RXFP1: variants seen among roughly 807,000 people sequenced by gnomAD.
RXFP1 encodes the protein relaxin family peptide receptor 1, also known as relaxin receptor 1.
Under a neutral mutation model 89.8 loss-of-function variants are expected in RXFP1, and 73 were observed. That is an observed-to-expected ratio of 0.81 (90% confidence interval 0.67 to 0.99). The LOEUF (loss-of-function observed/expected upper bound fraction) is 0.99, where lower values mean the gene tolerates loss of function less well. Among genes scored for constraint, RXFP1 ranks in the 50% least tolerant of loss-of-function variants. The pLI, the probability that RXFP1 is intolerant of heterozygous loss-of-function variation, is 0.00. For missense variants in RXFP1, 793 were observed against 895.5 expected, an observed-to-expected ratio of 0.89 and a Z score of 1.46; for synonymous variants, 277 against 305.5, an observed-to-expected ratio of 0.91 and a Z score of 0.97.
At chr4:158,616,667 A>G (rs184546867) in intron 8 of RXFP1, among the ~76,000 whole-genome samples, 33 of 149,740 alleles carry the variant, frequency 2.2e-4, no homozygotes, top group Admixed American at 2.2e-3. Context: ...ATTATAATTA[A>G]ATATAGTTAG....
At chr4:158,582,581 C>T (rs1464659739) in intron 2 of RXFP1, among the ~76,000 whole-genome samples, 1 of 152,216 alleles carries the variant, frequency 6.6e-6, no homozygotes, top group African/African-American at 2.4e-5. Context: ...ACATTTAGTA[C>T]ACCTGAGCCA....
At chr4:158,587,606 T>C (rs1454566510) in intron 2 of RXFP1, among the ~76,000 whole-genome samples, 1 of 152,196 alleles carries the variant, frequency 6.6e-6, no homozygotes, top group East Asian at 1.9e-4. Context: ...ATTCTATAGA[T>C]AGAATGTAAA....
At position 158,612,471 on chromosome 4, in the gene RXFP1, G is replaced by A. The variant is rs539571177; in HGVS notation, c.680+109G>A. ...TTGGATTTGTTAAAACCCCAAAGAG[G>A]CCTTTTCAATGAAAAACCTTTTCTT... On this transcript the variant is annotated intron_variant, in intron 8 of 17. Coordinates refer to ENST00000307765, the MANE Select transcript of RXFP1 (RefSeq NM_021634.4). 1.0e-4 allele frequency: 74 copies of A among 733,168 alleles called. No individual in the cohort carries two copies. In the South Asian group the frequency reaches 1.5e-3, roughly 15 times the overall value. The allele number at this position is 733,168 out of a possible 1,614,324, so 45.4% of individuals were successfully genotyped here. A position where few individuals can be genotyped will look rare whatever the true frequency, so the allele number is the denominator to read the frequency against.
At chr4:158,635,098 A>G (rs185617170) in intron 12 of RXFP1, among the ~76,000 whole-genome samples, 1 of 151,540 alleles carries the variant, frequency 6.6e-6, no homozygotes, top group Admixed American at 6.6e-5. Flanking sequence ...GTTGCTTTGA[A>G]TCTGTAGCTC....
In RXFP1 at chr4:158,575,962, C is replaced by T. The variant is rs573840574; in HGVS notation, c.187+3127C>T. ...ATCAGCTAGGCAGTTCTGGTCTCAGCTGGATTTTCTCAAGCACCTGCAGTC... is the reference window on the plus strand; with the variant it reads ...ATCAGCTAGGCAGTTCTGGTCTCAGTTGGATTTTCTCAAGCACCTGCAGTC... On this transcript the variant is annotated intron_variant, in intron 2 of 17. Coordinates refer to ENST00000307765, the MANE Select transcript of RXFP1 (RefSeq NM_021634.4). Among the ~76,000 whole-genome samples, 3 of 152,252 alleles carry T rather than the reference C, an allele frequency of 2.0e-5. No individual in the cohort carries two copies. In the South Asian group the frequency reaches 6.2e-4, roughly 32 times the overall value.
intron 6 of RXFP1, among the ~76,000 whole-genome samples, chr4:158,611,703 A>C (rs184373113): frequency 1.3e-3 from 196 of 152,318 alleles, no homozygotes; most frequent in Admixed American, 3.5e-3. Context: ...CACACTCTGC[A>C]GTCCCTACCC....
At chr4:158,623,106 C>A (rs1274558386) in intron 9 of RXFP1, among the ~76,000 whole-genome samples, 2 of 152,076 alleles carry the variant, frequency 1.3e-5, no homozygotes, top group African/African-American at 2.4e-5. Context: ...CTGCCAATGT[C>A]CAATAAAAGA....
At chr4:158,562,168 A>G (rs1254066365) in intron 1 of RXFP1, among the ~76,000 whole-genome samples, 1 of 152,076 alleles carries the variant, frequency 6.6e-6, no homozygotes, top group East Asian at 1.9e-4. Flanking sequence ...CAACCCCCCA[A>G]TAAACACGGG....
chr4:158,636,834 A>G (rs1769265979), intron 12 of RXFP1, among the ~76,000 whole-genome samples: 1 of 152,216 alleles, frequency 6.6e-6, no homozygotes, highest in South Asian at 2.1e-4. Context: ...ATGTTACACA[A>G]TAGATGTCTT....
chr4:158,608,940 G>A lies in RXFP1; in HGVS notation c.536+897G>A, dbSNP rs1464004604. On this transcript the variant is annotated intron_variant, in intron 6 of 17. Transcript: ENST00000307765. ...TTTCACTTAGCACAATGTCTTTAAT[G>A]TTCACGTGTTGTAGCATGTGTCAGA... Among the ~76,000 whole-genome samples, 3 of 152,174 alleles carry A rather than the reference G, an allele frequency of 2.0e-5. No individual in the cohort carries two copies. The East Asian group carries it at 5.8e-4, about 29-fold the overall frequency.
At chr4:158,616,074 A>G (rs1764507782) in intron 8 of RXFP1, among the ~76,000 whole-genome samples, 1 of 152,250 alleles carries the variant, frequency 6.6e-6, no homozygotes, top group South Asian at 2.1e-4. Context: ...GTTGCCACAA[A>G]CCTTCAATTT....
chr4:158,624,940 A>G (rs1326529158), intron 9 of RXFP1, among the ~76,000 whole-genome samples: 1 of 152,200 alleles, frequency 6.6e-6, no homozygotes, highest in African/African-American at 2.4e-5. Flanking sequence ...GTGCCCCAAT[A>G]TGTGCCTCTT....
chr4:158,593,226 A>G (rs1195195406), intron 2 of RXFP1, among the ~76,000 whole-genome samples, 175 bp from the exon 3 acceptor site: 3 of 152,210 alleles, frequency 2.0e-5, no homozygotes, highest in Non-Finnish European at 4.4e-5. Context: ...CTATAAAATG[A>G]GAATCTCCAG....
chr4:158,651,296 T>G (rs548014498), intron 17 of RXFP1, among the ~76,000 whole-genome samples: 15 of 152,290 alleles, frequency 9.8e-5, no homozygotes, highest in South Asian at 6.2e-4. Flanking sequence ...GCACACTTTG[T>G]TTTAAAATCA....
Position 158,569,126 on chromosome 4 carries a change from G to A in RXFP1, c.50-3572G>A, listed in dbSNP as rs192849381. Among the ~76,000 whole-genome samples, 11 of 152,262 alleles carry A rather than the reference G, an allele frequency of 7.2e-5. No individual in the cohort carries two copies. In the East Asian group the frequency reaches 1.4e-3, roughly 19 times the overall value. ...CACAGGTGTTTATAGCAGCTTGTTC[G>A]TAATTGCCAAAACTTAGAAGCAACC... On this transcript the variant is annotated intron_variant, in intron 1 of 17. Transcript: ENST00000307765.
At chr4:158,634,853 T>A (rs941641763) in intron 12 of RXFP1, among the ~76,000 whole-genome samples, 1 of 152,196 alleles carries the variant, frequency 6.6e-6, no homozygotes, top group Admixed American at 6.5e-5. Context: ...ATCTGTGAGT[T>A]TATTCCTGAG....
At chr4:158,639,122 T>A (rs573201035) in intron 13 of RXFP1, 138 bp from the exon 14 acceptor site, 17 of 541,758 alleles carry the variant, frequency 3.1e-5, no homozygotes, top group African/African-American at 2.3e-4. Flanking sequence ...GGGAAGTGGG[T>A]GGGTTGAGTA....
chr4:158,583,341 C>T (rs1310780060), intron 2 of RXFP1, among the ~76,000 whole-genome samples: 2 of 152,206 alleles, frequency 1.3e-5, no homozygotes, highest in African/African-American at 4.8e-5. Context: ...AGAATGATGG[C>T]AATGCCAGGT....
At chr4:158,624,902 C>T (rs1455966145) in intron 9 of RXFP1, among the ~76,000 whole-genome samples, 1 of 152,094 alleles carries the variant, frequency 6.6e-6, no homozygotes, top group Non-Finnish European at 1.5e-5. Context: ...CAAAATTAAA[C>T]TACCAATTTA....
Sources: gnomAD v4.1 joint callset for allele counts (sites outside exome capture counted in the v4.1 genomes callset) on GRCh38, gnomAD v4.1.1 for gene constraint, MANE v1.5 for transcripts, NCBI Gene and HGNC (gene_info 2026-07-23, HGNC 2026-07-21) for gene names.